The following TTC28 variants were observed in gnomAD, a reference collection of about 807,000 sequenced individuals.
TTC28 encodes the protein tetratricopeptide repeat protein 28.
TTC28 carries 61 observed loss-of-function variants against 198.0 expected under a neutral mutation model. The observed-to-expected ratio is 0.31, with a 90% CI of 0.25 to 0.38. The LOEUF is 0.38. Among genes scored for constraint, TTC28 ranks in the 10% least tolerant of loss-of-function variants. The probability of loss-of-function intolerance (pLI) is 1.00; values close to 1 mark genes in which losing one functional copy is unlikely to be tolerated. For missense variants in TTC28, 2,678 were observed against 3,164.0 expected (o/e 0.85, Z 3.69); for synonymous variants, 1,171 against 1,297.8 (o/e 0.90, Z 2.10).
At chr22:28,288,817 A>AC (rs1258733447) in intron 5 of TTC28, among the ~76,000 whole-genome samples, 1 of 151,992 alleles carries the variant, frequency 6.6e-6, no homozygotes, top group African/African-American at 2.4e-5. Context: ...CGTTTCAAAA[A>AC]AAAAAAAAAA....
Position 27,978,530 on chromosome 22 carries a change from T to A in TTC28, c.*3691A>T. On this transcript the variant is annotated 3_prime_UTR_variant, in exon 23 of 23. Transcript: ENST00000397906. ...GAATCGGCACGGGCCAGGGACCGGC[T>A]GCAGTGATCATATGCTGGAGCGTCA... is the stretch of plus-strand genomic sequence containing the variant. The A allele has an allele frequency of 6.6e-6, 1 of 152,276 alleles. No homozygotes were observed. Among genetic ancestry groups the A allele is most frequent in the East Asian group, 1.9e-4 (1 of 5,196 alleles). 9.4% of individuals were successfully genotyped at this position (152,276 alleles called of 1,614,324 possible).
chr22:28,536,240 C>T (rs1279977688), intron 2 of TTC28, among the ~76,000 whole-genome samples: 1 of 149,560 alleles, frequency 6.7e-6, no homozygotes, highest in Non-Finnish European at 1.5e-5. Context: ...AATAAATTAT[C>T]CCCTTTATAG....
chr22:28,062,338 G>C (rs1940576529), intron 12 of TTC28, among the ~76,000 whole-genome samples: 2 of 151,784 alleles, frequency 1.3e-5, no homozygotes, highest in South Asian at 4.2e-4. Context: ...TGGGACTACA[G>C]GCATGAGCTG....
At chr22:27,993,148 C>T in intron 18 of TTC28, 139 bp downstream of exon 18, 1 of 741,450 alleles carries the variant, frequency 1.3e-6, no homozygotes, top group Non-Finnish European at 2.1e-6. Flanking sequence ...GTATCTGGGA[C>T]CCCCTGCCAT....
At chr22:28,079,866 C>CTA (rs759569058) in intron 12 of TTC28, among the ~76,000 whole-genome samples, 1 of 152,106 alleles carries the variant, frequency 6.6e-6, no homozygotes, top group Non-Finnish European at 1.5e-5. Context: ...GTAGCTGGTA[C>CTA]TATAGGCATA....
rs146348528 is a variant in TTC28 at position 28,453,947 on chromosome 22, C to A, written c.382-147304G>T. Among the ~76,000 whole-genome samples the A allele has an allele frequency of 4.6e-5, 7 of 152,302 alleles. No homozygotes were observed. In the East Asian group the frequency reaches 1.3e-3, roughly 29 times the overall value. ...CATGATCTAGCCTCTACTTTTCACC[C>A]TCATTTTTTACCATACCTTCCCTTA... On this transcript the variant is annotated intron_variant, in intron 2 of 22. Coordinates refer to ENST00000397906, the MANE Select transcript of TTC28 (RefSeq NM_001145418.2).
At chr22:28,229,245 G>A (rs1928613042) in intron 5 of TTC28, among the ~76,000 whole-genome samples, 1 of 152,142 alleles carries the variant, frequency 6.6e-6, no homozygotes, top group East Asian at 1.9e-4. Context: ...TTGTAGTTCT[G>A]GGTAGAATAT....
At chr22:28,330,975 T>C (rs904945835) in intron 2 of TTC28, among the ~76,000 whole-genome samples, 3 of 152,196 alleles carry the variant, frequency 2.0e-5, no homozygotes, top group Admixed American at 6.6e-5. Context: ...TTAAAAATTA[T>C]GCTGTAAAGA....
chr22:28,517,569 G>A (rs903872600), intron 2 of TTC28, among the ~76,000 whole-genome samples: 6 of 152,138 alleles, frequency 3.9e-5, no homozygotes, highest in African/African-American at 1.4e-4. Context: ...ACAGAATTAT[G>A]GCCAGCGAAC....
chr22:28,055,389 G>C (rs576082159), intron 12 of TTC28, among the ~76,000 whole-genome samples: 1 of 152,120 alleles, frequency 6.6e-6, no homozygotes, highest in African/African-American at 2.4e-5. Flanking sequence ...GAGACAAAAT[G>C]GGATAGAATG....
At chr22:28,165,952 C>A (rs2147065489) in intron 5 of TTC28, among the ~76,000 whole-genome samples, 1 of 152,220 alleles carries the variant, frequency 6.6e-6, no homozygotes, top group African/African-American at 2.4e-5. Flanking sequence ...TGCAGAGACA[C>A]ACATAGGCTC....
intron 2 of TTC28, among the ~76,000 whole-genome samples, chr22:28,435,600 G>T (rs1413045195): frequency 6.6e-6 from 1 of 152,192 alleles, no homozygotes; most frequent in African/African-American, 2.4e-5. Context: ...CTAGCAAAAT[G>T]AAGGTGGCTG....
intron 12 of TTC28, among the ~76,000 whole-genome samples, chr22:28,087,404 C>G (rs1405924839): frequency 6.6e-6 from 1 of 152,126 alleles, no homozygotes; most frequent in Non-Finnish European, 1.5e-5. Flanking sequence ...GAACCAAAGA[C>G]AAAAACCACA....
intron 2 of TTC28, among the ~76,000 whole-genome samples, chr22:28,412,417 A>G (rs1414487456): frequency 6.6e-6 from 1 of 152,142 alleles, no homozygotes; most frequent in Non-Finnish European, 1.5e-5. Context: ...AAGTTTGGAA[A>G]ATGTCTATTG....
In TTC28 at chr22:28,032,310, G is replaced by GTA. The variant is rs545147948; in HGVS notation, c.3933-1946_3933-1945dup. Among the ~76,000 whole-genome samples the GTA allele has an allele frequency of 2.5e-3, 351 of 140,340 alleles. 3 individuals are homozygous for GTA. The highest frequency in any genetic ancestry group is 4.0e-3 in the Non-Finnish European group (265 of 65,534). The allele number at this position is 140,340 out of a possible 152,430, so 92.1% of individuals were successfully genotyped here. ...TGTGTGTGTGTATATGTGTGTGTTTGTATATATATATCTCTTTTATTGGTT... is the reference window on the plus strand; with the variant it reads ...TGTGTGTGTGTATATGTGTGTGTTTGTATATATATATATCTCTTTTATTGGTT... On this transcript the variant is annotated intron_variant, in intron 12 of 22. Coordinates refer to ENST00000397906, the MANE Select transcript of TTC28 (RefSeq NM_001145418.2).
intron 12 of TTC28, among the ~76,000 whole-genome samples, chr22:28,032,206 A>G (rs1394456097): frequency 3.7e-5 from 4 of 107,696 alleles, no homozygotes; most frequent in Non-Finnish European, 7.7e-5. Context: ...TATATATAAA[A>G]TATATATATA....
intron 6 of TTC28, among the ~76,000 whole-genome samples, chr22:28,131,254 C>T (rs1943054159): frequency 6.6e-6 from 1 of 152,088 alleles, no homozygotes; most frequent in Non-Finnish European, 1.5e-5. Flanking sequence ...AAGGTACATG[C>T]TGTTGGCTGA....
rs78125605 is a variant in TTC28, at chr22:28,591,895, A to C, written c.381+37657T>G. ...ACATTCCACTTTGATATTTATATTT[A>C]ATAATGTAAACAACATAGCTGAAAA... On this transcript the variant is annotated intron_variant, in intron 2 of 22. Coordinates refer to ENST00000397906, the MANE Select transcript of TTC28 (RefSeq NM_001145418.2). Among the ~76,000 whole-genome samples the C allele has an allele frequency of 1.9e-3, 294 of 152,330 alleles. 1 individual carries two copies. The highest frequency in any genetic ancestry group is 6.1e-3 in the African/African-American group (255 of 41,564).
chr22:28,408,100 A>G (rs900543565), intron 2 of TTC28, among the ~76,000 whole-genome samples: 1 of 152,202 alleles, frequency 6.6e-6, no homozygotes, highest in African/African-American at 2.4e-5. Context: ...ACATTTTTAT[A>G]GAGTAGACTT....
Sources: gnomAD v4.1 joint callset for allele counts (sites outside exome capture counted in the v4.1 genomes callset) on GRCh38, gnomAD v4.1.1 for gene constraint, MANE v1.5 for transcripts, NCBI Gene and HGNC (gene_info 2026-07-23, HGNC 2026-07-21) for gene names.